Variants in HSF5 observed in about 807,000 individuals in gnomAD.
The protein encoded by HSF5 is heat shock transcription factor 5, also known as heat shock factor protein 5.
A neutral mutation model predicts 50.8 loss-of-function variants in HSF5; 5 were observed. The ratio of observed to expected loss-of-function variants is 0.10; its 90% CI spans 0.05 to 0.21. The LOEUF (loss-of-function observed/expected upper bound fraction) is 0.21, where lower values mean the gene tolerates loss of function less well. Among genes scored for constraint, HSF5 ranks in the 10% least tolerant of loss-of-function variants. The pLI is 1.00. For missense variants in HSF5, 564 were observed against 762.6 expected (o/e 0.74, Z 3.07); for synonymous variants, 307 against 307.4 (o/e 1.00, Z 0.02).
At chr17:58,428,097 A>G (rs952220283) in intron 5 of HSF5, among the ~76,000 whole-genome samples, 1 of 152,210 alleles carries the variant, frequency 6.6e-6, no homozygotes, top group Non-Finnish European at 1.5e-5. Flanking sequence ...TCCAACAATT[A>G]AAAAATGTAA....
At chr17:58,477,398 G>T (rs1975030924) in intron 2 of HSF5, among the ~76,000 whole-genome samples, 1 of 151,572 alleles carries the variant, frequency 6.6e-6, no homozygotes. Context: ...GGGATTACAG[G>T]TGTGAGCCAC....
At chr17:58,476,979 G>A (rs1231042743) in intron 2 of HSF5, 4 of 614,058 alleles carry the variant, frequency 6.5e-6, no homozygotes, top group African/African-American at 5.6e-5. Flanking sequence ...GGGGGCGGGG[G>A]AAGGGAAGGC....
chr17:58,476,604 G>A (rs750575214), intron 2 of HSF5: 16 of 1,530,920 alleles, frequency 1.0e-5, no homozygotes, highest in Middle Eastern at 2.3e-4. Context: ...TAATATCTTC[G>A]AATTCTGTCA....
intron 5 of HSF5, among the ~76,000 whole-genome samples, chr17:58,437,106 C>G (rs185381356): frequency 4.7e-4 from 71 of 152,280 alleles, no homozygotes; most frequent in Admixed American, 1.4e-3. Context: ...GGGCCAAGTT[C>G]TGCATCTGGT....
chr17:58,444,236 C>T (rs1315043134), intron 5 of HSF5, among the ~76,000 whole-genome samples: 4 of 152,060 alleles, frequency 2.6e-5, no homozygotes, highest in African/African-American at 7.2e-5. Context: ...TACTAAAATT[C>T]GTATGGAATC....
chr17:58,485,781 A>AGG, intron 1 of HSF5, among the ~76,000 whole-genome samples: 1 of 151,570 alleles, frequency 6.6e-6, no homozygotes, highest in Middle Eastern at 3.4e-3. Context: ...CTATAAAATA[A>AGG]TTTGGCCATG....
intron 2 of HSF5, among the ~76,000 whole-genome samples, chr17:58,473,061 C>T (rs772703759): frequency 6.6e-5 from 10 of 152,112 alleles, no homozygotes; most frequent in Non-Finnish European, 1.0e-4. Context: ...GGGGGGCAGG[C>T]GAGCACAGTG....
chr17:58,464,764 C>T (rs1284917097), intron 3 of HSF5, among the ~76,000 whole-genome samples: 1 of 152,082 alleles, frequency 6.6e-6, no homozygotes, highest in East Asian at 1.9e-4. Context: ...TCCTGAGTAG[C>T]TGGGATTACA....
At chr17:58,436,578 T>C (rs1432714326) in intron 5 of HSF5, among the ~76,000 whole-genome samples, 1 of 152,094 alleles carries the variant, frequency 6.6e-6, no homozygotes, top group African/African-American at 2.4e-5. Context: ...AGATAATTAC[T>C]GTGCTAATTA....
At chr17:58,443,480 TA>T (rs1374793167) in intron 5 of HSF5, among the ~76,000 whole-genome samples, 1 of 152,174 alleles carries the variant, frequency 6.6e-6, no homozygotes, top group African/African-American at 2.4e-5. Context: ...TATGACCCGT[TA>T]ATCAACTTGC....
Position 58,462,968 on chromosome 17 carries a change from G to A in HSF5, c.1356C>T (p.Cys452=). Reference sequence around the variant, plus strand: ...TGTACTCAGGTGACTGTGGTAGAGAGCAGGCAACTGCTTGTTCTGTTCCAA... The same window carrying A: ...TGTACTCAGGTGACTGTGGTAGAGAACAGGCAACTGCTTGTTCTGTTCCAA... ...FVVGTEQAVA[C]SLPQSPEYIY... Residue 452 remains cysteine, a synonymous_variant, in exon 4 of 6, where the codon TGC becomes TGT. Transcript: ENST00000323777. 1 of 1,614,210 alleles carries A rather than the reference G, an allele frequency of 6.2e-7. No homozygotes were observed. The highest frequency in any genetic ancestry group is 8.5e-7 in the Non-Finnish European group (1 of 1,180,014).
intron 2 of HSF5, among the ~76,000 whole-genome samples, chr17:58,477,458 TC>T (rs1975031655): frequency 1.0e-5 from 1 of 96,214 alleles, no homozygotes; most frequent in South Asian, 4.4e-4. Flanking sequence ...ATTACTCCAT[TC>T]CCCTTTTTTT....
At chr17:58,464,789 T>G (rs569954787) in intron 3 of HSF5, among the ~76,000 whole-genome samples, 1 of 152,044 alleles carries the variant, frequency 6.6e-6, no homozygotes, top group African/African-American at 2.4e-5. Flanking sequence ...CCCACCACCA[T>G]GCCCAGCTAA....
chr17:58,451,460 T>G (rs1214958884), intron 5 of HSF5, among the ~76,000 whole-genome samples: 1 of 152,182 alleles, frequency 6.6e-6, no homozygotes, highest in Non-Finnish European at 1.5e-5. Context: ...TCTTAACAAT[T>G]TTTTTTAAAA....
intron 2 of HSF5, among the ~76,000 whole-genome samples, chr17:58,469,789 T>A (rs560394006): frequency 1.3e-5 from 2 of 152,142 alleles, no homozygotes; most frequent in Non-Finnish European, 2.9e-5. Context: ...TTAAATTCCA[T>A]GTAGAAAGAA....
chr17:58,424,616 A>T (rs1334541343), intron 5 of HSF5, among the ~76,000 whole-genome samples: 1 of 151,572 alleles, frequency 6.6e-6, no homozygotes, highest in Non-Finnish European at 1.5e-5. Flanking sequence ...CGTCTCAAAA[A>T]AAAAAAAAAA....
chr17:58,478,117 C>T, intron 2 of HSF5, among the ~76,000 whole-genome samples: 1 of 151,824 alleles, frequency 6.6e-6, no homozygotes, highest in East Asian at 1.9e-4. Flanking sequence ...CATGCCACTG[C>T]TGTTGTGTTT....
chr17:58,445,028 C>T (rs1326731011), intron 5 of HSF5, among the ~76,000 whole-genome samples: 3 of 151,780 alleles, frequency 2.0e-5, no homozygotes, highest in Non-Finnish European at 2.9e-5. Context: ...AAAAATCAAA[C>T]CTATAATGAG....
At chr17:58,460,757 C>T (rs1974784959) in intron 4 of HSF5, among the ~76,000 whole-genome samples, 1 of 151,658 alleles carries the variant, frequency 6.6e-6, no homozygotes, top group Non-Finnish European at 1.5e-5. Flanking sequence ...GATCTGTCCG[C>T]CTCGGCCTCC....
Sources: allele counts gnomAD v4.1 joint callset (sites outside exome capture counted in the v4.1 genomes callset), GRCh38; gene constraint gnomAD v4.1.1; transcripts MANE v1.5; gene names NCBI Gene and HGNC (gene_info 2026-07-23, HGNC 2026-07-21).